The following GPHN variants were observed in gnomAD, a reference collection of about 807,000 sequenced individuals.
GPHN encodes the protein gephyrin.
Under a neutral mutation model 95.5 loss-of-function variants are expected in GPHN, and 17 were observed. The ratio of observed to expected loss-of-function variants is 0.18; its 90% CI spans 0.12 to 0.27. The LOEUF is 0.27. Ranked by LOEUF, GPHN falls within the 10% of genes least tolerant of loss-of-function variation. The probability of loss-of-function intolerance (pLI) is 1.00; values close to 1 mark genes in which losing one functional copy is unlikely to be tolerated. For synonymous variants in GPHN, 320 were observed against 322.5 expected, an observed-to-expected ratio of 0.99 and a Z score of 0.08; for missense variants, 660 against 978.1, an observed-to-expected ratio of 0.67 and a Z score of 4.34.
rs138557029 is a variant in GPHN, at chr14:67,042,420, G to C, written c.1007-16229G>C. Reference sequence around the variant, plus strand: ...TGATTTTTGTATAAGGTGTAAGGAAGGTGTCCAGTTTCAGTTTTTTGCATA... The same window carrying C: ...TGATTTTTGTATAAGGTGTAAGGAACGTGTCCAGTTTCAGTTTTTTGCATA... On this transcript the variant is annotated intron_variant, in intron 10 of 22. Coordinates refer to ENST00000478722, the MANE Select transcript of GPHN (RefSeq NM_020806.5). 7.2e-5 allele frequency among the ~76,000 whole-genome samples: 11 copies of C among 152,246 alleles called. No homozygotes were observed. The East Asian group carries it at 1.9e-3, about 27-fold the overall frequency.
the GPHN span, among the ~76,000 whole-genome samples, chr14:67,423,039 T>C: frequency 6.6e-6 from 1 of 151,818 alleles, no homozygotes; most frequent in African/African-American, 2.4e-5. Flanking sequence ...CTTCATGTTG[T>C]TCAGGCTGGT....
At chr14:66,628,673 A>C (rs1461137116) in intron 1 of GPHN, among the ~76,000 whole-genome samples, 1 of 152,030 alleles carries the variant, frequency 6.6e-6, no homozygotes, top group Non-Finnish European at 1.5e-5. Flanking sequence ...TCAATAATAA[A>C]TTTACTTTAG....
chr14:67,089,412 C>T (rs944573751), intron 12 of GPHN, among the ~76,000 whole-genome samples: 1 of 151,926 alleles, frequency 6.6e-6, no homozygotes, highest in Non-Finnish European at 1.5e-5. Flanking sequence ...TACAGGCATA[C>T]AATGCATAAT....
chr14:66,853,958 C>T (rs1011039323), intron 4 of GPHN, among the ~76,000 whole-genome samples: 1 of 152,068 alleles, frequency 6.6e-6, no homozygotes, highest in African/African-American at 2.4e-5. Context: ...TGCCATATTC[C>T]TTATCATATC....
rs78963793 is a variant in GPHN at position 67,020,357 on chromosome 14, C to T, written c.964-3276C>T. 2.3e-3 allele frequency among the ~76,000 whole-genome samples: 346 copies of T among 152,236 alleles called. 1 individual carries two copies. The highest frequency in any genetic ancestry group is 7.9e-3 in the African/African-American group (329 of 41,542). The stretch of plus-strand genomic sequence containing the variant: ...TGAAGAGCTGACTTTAAACACTGTG[C>T]TATTCTTGTTATGACCTAAGCATAA... On this transcript the variant is annotated intron_variant, in intron 9 of 22. Transcript: ENST00000478722.
intron 10 of GPHN, among the ~76,000 whole-genome samples, chr14:67,042,917 T>G (rs1052324012): frequency 2.0e-5 from 3 of 152,210 alleles, no homozygotes; most frequent in Non-Finnish European, 4.4e-5. Context: ...TGAGCAGTTG[T>G]TTGTAGTTCT....
intron 4 of GPHN, among the ~76,000 whole-genome samples, chr14:66,837,614 AAAATAAATAAATAAATAAAT>A (rs202145300): frequency 0.02 from 2,868 of 144,502 alleles, 39 homozygotes; most frequent in Middle Eastern, 0.033. Context: ...TAAATAAATA[AAAATAAATAAATAAATAAAT>A]AAATAAATAA....
chr14:66,862,108 A>T (rs1053361165), intron 4 of GPHN, among the ~76,000 whole-genome samples: 1 of 152,072 alleles, frequency 6.6e-6, no homozygotes, highest in Non-Finnish European at 1.5e-5. Flanking sequence ...TAACTAAGAA[A>T]AAAGGAGAGA....
chr14:67,400,680 T>C, the GPHN span, among the ~76,000 whole-genome samples: 9 of 150,230 alleles, frequency 6.0e-5, no homozygotes, highest in East Asian at 1.8e-3. Context: ...GGAGGTGGAG[T>C]AGAGGAGAGG....
the GPHN span, among the ~76,000 whole-genome samples, chr14:67,289,424 A>C: frequency 6.6e-6 from 1 of 152,162 alleles, no homozygotes; most frequent in East Asian, 1.9e-4. Context: ...CCTTATATGC[A>C]AATACTCCAC....
chr14:66,855,809 C>T (rs930545664), intron 4 of GPHN, among the ~76,000 whole-genome samples: 3 of 151,828 alleles, frequency 2.0e-5, no homozygotes, highest in South Asian at 2.1e-4. Context: ...GTGTGAGGTA[C>T]GAGTTCATTC....
At chr14:66,530,422 C>T (rs1414499216) in intron 1 of GPHN, among the ~76,000 whole-genome samples, 1 of 152,142 alleles carries the variant, frequency 6.6e-6, no homozygotes, top group Admixed American at 6.5e-5. Flanking sequence ...CCACTTGGCT[C>T]CCTGGCTTAA....
At chr14:67,034,052 C>T (rs957844385) in intron 10 of GPHN, among the ~76,000 whole-genome samples, 2 of 152,134 alleles carry the variant, frequency 1.3e-5, no homozygotes, top group East Asian at 1.9e-4. Flanking sequence ...CTAGACCTGG[C>T]TTACAAGAAA....
chr14:67,206,912 TAG>T, the GPHN span, among the ~76,000 whole-genome samples: 1 of 152,036 alleles, frequency 6.6e-6, no homozygotes, highest in East Asian at 1.9e-4. Context: ...GTATTTTTAG[TAG>T]AGATGGGGTT....
intron 20 of GPHN, among the ~76,000 whole-genome samples, chr14:67,168,630 T>C (rs2082417746): frequency 6.6e-6 from 1 of 152,178 alleles, no homozygotes; most frequent in African/African-American, 2.4e-5. Context: ...TAGTAATGAG[T>C]AATCTTGATA....
At chr14:66,549,236 G>T (rs933756034) in intron 1 of GPHN, among the ~76,000 whole-genome samples, 5 of 152,168 alleles carry the variant, frequency 3.3e-5, no homozygotes, top group Admixed American at 6.5e-5. Context: ...GTCACAGGGG[G>T]TTGGTGAACA....
At chr14:67,236,512 T>C in the GPHN span, among the ~76,000 whole-genome samples, 183 of 152,316 alleles carry the variant, frequency 1.2e-3, 2 homozygotes, top group Admixed American at 1.7e-3. Flanking sequence ...TCAGTGCCTA[T>C]AGCACAATGC....
intron 4 of GPHN, among the ~76,000 whole-genome samples, chr14:66,875,289 G>C (rs2063602305): frequency 6.6e-6 from 1 of 152,126 alleles, no homozygotes; most frequent in Admixed American, 6.5e-5. Context: ...ACTGGTACCA[G>C]CTACTGCAAA....
the GPHN span, chr14:67,619,940 C>T: frequency 7.1e-7 from 1 of 1,411,510 alleles, no homozygotes; most frequent in Non-Finnish European, 9.5e-7. Context: ...TCCAACCGCG[C>T]GGAGCCTCTG....
Sources: gnomAD v4.1 joint callset for allele counts (sites outside exome capture counted in the v4.1 genomes callset) on GRCh38, gnomAD v4.1.1 for gene constraint, MANE v1.5 for transcripts, NCBI Gene and HGNC (gene_info 2026-07-23, HGNC 2026-07-21) for gene names.